The following VPS28 variants were observed in gnomAD, a reference collection of about 807,000 sequenced individuals.
VPS28 encodes vacuolar protein sorting-associated protein 28 homolog.
VPS28 carries 29 observed loss-of-function variants against 33.7 expected under a neutral mutation model. The ratio of observed to expected loss-of-function variants is 0.86; its 90% CI spans 0.64 to 1.17. The LOEUF (loss-of-function observed/expected upper bound fraction) is 1.17. Among genes scored for constraint, VPS28 ranks in the 50% most tolerant of loss-of-function variants. The pLI is 0.00. For missense variants in VPS28, 247 were observed against 312.2 expected (o/e 0.79, Z 1.57); for synonymous variants, 164 against 116.7 (o/e 1.40, Z -2.61).
At position 144,428,491 on chromosome 8, in the gene VPS28, G is replaced by A. The variant is rs1311263584; in HGVS notation, c.-37C>T. 6 of 152,276 alleles carry A rather than the reference G, an allele frequency of 3.9e-5. No individual in the cohort carries two copies. The highest frequency in any genetic ancestry group is 7.3e-5 in the Non-Finnish European group (5 of 68,058). The allele number at this position is 152,276 out of a possible 1,614,324, so 9.4% of individuals were successfully genotyped here. A position where few individuals can be genotyped will look rare whatever the true frequency, so the allele number is the denominator to read the frequency against. ...CCCACCGGCCGGGCCCCGGGTACCTGGACGGCTCGCGGTCGGGAAGATGGC... is the reference window on the plus strand; with the variant it reads ...CCCACCGGCCGGGCCCCGGGTACCTAGACGGCTCGCGGTCGGGAAGATGGC... On this transcript the variant is annotated splice_region_variant and 5_prime_UTR_variant, in exon 1 of 10. Coordinates refer to ENST00000292510, the MANE Select transcript of VPS28 (RefSeq NM_016208.4).
At chr8:144,426,676 C>A (rs1296779219) in intron 2 of VPS28, 1 of 530,426 alleles carries the variant, frequency 1.9e-6, no homozygotes, top group East Asian at 3.3e-5. Context: ...GGACCCCCAC[C>A]GTTCTGGCCA....
At chr8:144,427,749 T>C (rs1197198769) in intron 1 of VPS28, among the ~76,000 whole-genome samples, 2 of 152,242 alleles carry the variant, frequency 1.3e-5, no homozygotes, top group East Asian at 3.8e-4. Context: ...GGGAGGGTCC[T>C]GCCTAGCACG....
intron 5 of VPS28, 123 bp from the exon 6 acceptor site, chr8:144,425,174 C>T (rs1026657945): frequency 1.4e-5 from 12 of 838,002 alleles, no homozygotes; most frequent in East Asian, 2.7e-5. Context: ...AAAGGCAGGC[C>T]GAGCAAGGAG....
intron 7 of VPS28, 179 bp downstream of exon 7, chr8:144,424,539 G>A (rs1822588170): frequency 6.1e-6 from 5 of 819,204 alleles, no homozygotes; most frequent in Non-Finnish European, 5.7e-6. Flanking sequence ...CAGGAGTCCA[G>A]GTGGCCTGGG....
chr8:144,426,730 T>C (rs1822777952), intron 2 of VPS28, 179 bp downstream of exon 2: 2 of 648,378 alleles, frequency 3.1e-6, no homozygotes, highest in Admixed American at 2.9e-5. Flanking sequence ...AAGCCAGTTC[T>C]GTCTGGAGGT....
chr8:144,425,619 G>C, intron 5 of VPS28, 64 bp downstream of exon 5: 2 of 1,557,508 alleles, frequency 1.3e-6, no homozygotes, highest in South Asian at 1.1e-5. Flanking sequence ...GCCTGCTCTT[G>C]CTGCCTATGG....
At position 144,423,832 on chromosome 8, in the gene VPS28, G is replaced by A. The variant is rs368501757; in HGVS notation, c.639C>T (p.Asn213=). ...AGGCATGCAGGAAGCGGTTGAAGGC[G>A]TTGTAGGCTGACTCCAGGTCGAACA... ...QMLFDLESAY[N]AFNRFLHA Residue 213 remains asparagine (N), a synonymous_variant, in exon 10 of 10, where the codon AAC becomes AAT. Coordinates refer to ENST00000292510, the MANE Select transcript of VPS28 (RefSeq NM_016208.4). 34 of 1,613,048 alleles carry A rather than the reference G, an allele frequency of 2.1e-5. No individual in the cohort carries two copies. In the African/African-American group the frequency reaches 2.4e-4, roughly 11 times the overall value.
chr8:144,425,188 G>A, intron 5 of VPS28, 137 bp from the exon 6 acceptor site: 3 of 734,544 alleles, frequency 4.1e-6, no homozygotes, highest in South Asian at 3.5e-5. Flanking sequence ...CAAGGAGGAG[G>A]GGCTGCTAGT....
In VPS28 at chr8:144,424,819, G is replaced by T; in HGVS notation, c.301C>A (p.Leu101Met). The change falls in exon 7 of 10, where the codon CTG becomes ATG. Residue 101 changes from leucine to methionine, a missense_variant and splice_region_variant. Transcript: ENST00000292510. ...CGCTCCATGGCCAGCGGGCAGTCCAGCTGTTGGGGGTGACATGGGTGCTGG... is the reference window on the plus strand; with the variant it reads ...CGCTCCATGGCCAGCGGGCAGTCCATCTGTTGGGGGTGACATGGGTGCTGG... ...SIDEFCRKFR[L>M]DCPLAMERIK... The T allele has an allele frequency of 1.2e-6, 2 of 1,613,928 alleles. No homozygotes were observed. Among genetic ancestry groups the T allele is most frequent in the East Asian group, 2.2e-5 (1 of 44,878 alleles).
intron 2 of VPS28, 35 bp from the exon 3 acceptor site, chr8:144,426,243 C>A: frequency 6.4e-7 from 1 of 1,570,758 alleles, no homozygotes; most frequent in East Asian, 2.3e-5. Flanking sequence ...CAGGCTGGCC[C>A]CAAAGGGAAC....
rs1822612482 is a variant in VPS28, at chr8:144,424,814, G to A, written c.306C>T (p.Asp102=). ...IDEFCRKFRL[D]CPLAMERIKE... is the part of the protein sequence containing the mutation. ...TGATCCGCTCCATGGCCAGCGGGCA[G>A]TCCAGCTGTTGGGGGTGACATGGGT... Residue 102 remains aspartate (D), a synonymous_variant, in exon 7 of 10, where the codon GAC becomes GAT. Coordinates refer to ENST00000292510, the MANE Select transcript of VPS28 (RefSeq NM_016208.4). 2 of 1,613,988 alleles carry A rather than the reference G, an allele frequency of 1.2e-6. No individual in the cohort carries two copies. Among genetic ancestry groups the A allele is most frequent in the Admixed American group, 1.7e-5 (1 of 60,016 alleles).
chr8:144,425,828 G>C (rs1822693992), intron 4 of VPS28, 56 bp from the exon 5 acceptor site: 1 of 1,610,526 alleles, frequency 6.2e-7, no homozygotes, highest in Non-Finnish European at 8.5e-7. Context: ...CTAGAGCCCA[G>C]AGTGCTACCC....
chr8:144,424,168 G>C (rs1324234168), intron 8 of VPS28, 36 bp from the exon 9 acceptor site: 7 of 1,558,342 alleles, frequency 4.5e-6, no homozygotes, highest in Non-Finnish European at 6.1e-6. Flanking sequence ...CCCGACGCCG[G>C]CTCCATCCCC....
chr8:144,426,629 C>T (rs1050414757), intron 2 of VPS28: 5 of 493,212 alleles, frequency 1.0e-5, no homozygotes, highest in African/African-American at 3.9e-5. Context: ...TCACCACACA[C>T]AGCCTCTCCC....
Position 144,426,169 on chromosome 8 carries a change from C to T in VPS28, c.66+11G>A. 6.2e-7 allele frequency: 1 copy of T among 1,606,086 alleles called. No homozygotes were observed. The highest frequency in any genetic ancestry group is 1.3e-5 in the African/African-American group (1 of 74,924). ...TGGCCAATGCCGGCCGGGTGGGCACCCACCACTCACCTCATACAGCTCCGG... is the reference window on the plus strand; with the variant it reads ...TGGCCAATGCCGGCCGGGTGGGCACTCACCACTCACCTCATACAGCTCCGG... On this transcript the variant is annotated intron_variant, in intron 3 of 9. Transcript: ENST00000292510.
intron 1 of VPS28, among the ~76,000 whole-genome samples, chr8:144,427,896 AAACTCAGAC>A (rs1822902091): frequency 6.6e-6 from 1 of 151,890 alleles, no homozygotes; most frequent in Non-Finnish European, 1.5e-5. Context: ...GCAGTAAGAT[AAACTCAGAC>A]GGAGAGGGGA....
Position 144,423,770 on chromosome 8 carries a change from C to A in VPS28, c.*35G>T, listed in dbSNP as rs782187435. The A allele has an allele frequency of 6.2e-7, 1 of 1,612,490 alleles. No individual in the cohort carries two copies. Among genetic ancestry groups the A allele is most frequent in the Non-Finnish European group, 8.5e-7 (1 of 1,179,584 alleles). On this transcript the variant is annotated 3_prime_UTR_variant, in exon 10 of 10. Coordinates refer to ENST00000292510, the MANE Select transcript of VPS28 (RefSeq NM_016208.4). ...GGGGACCAGGAGCCATCGCCTCAGA[C>A]TCTGCCCTTCTGTGCAAGGGCTAGT...
intron 9 of VPS28, 31 bp from the exon 10 acceptor site, chr8:144,423,953 T>A (rs782729373): frequency 1.9e-6 from 3 of 1,612,860 alleles, no homozygotes. Flanking sequence ...ATGTGGGGGC[T>A]GAGGGCCTCA....
chr8:144,425,603 AC>A, intron 5 of VPS28, 79 bp downstream of exon 5: 1 of 1,496,164 alleles, frequency 6.7e-7, no homozygotes, highest in Non-Finnish European at 9.2e-7. Context: ...TCCCAGCCTG[AC>A]AGACGCCTGC....
Sources: allele counts gnomAD v4.1 joint callset (sites outside exome capture counted in the v4.1 genomes callset), GRCh38; gene constraint gnomAD v4.1.1; transcripts MANE v1.5; gene names NCBI Gene and HGNC (gene_info 2026-07-23, HGNC 2026-07-21).